Variants in BLNK observed in about 807,000 individuals in gnomAD.
The protein encoded by BLNK is B cell linker.
Under a neutral mutation model 73.5 loss-of-function variants are expected in BLNK, and 29 were observed. The ratio of observed to expected loss-of-function variants is 0.39; its 90% CI spans 0.29 to 0.54. The LOEUF (loss-of-function observed/expected upper bound fraction) is 0.54, where lower values mean the gene tolerates loss of function less well. BLNK is among the 20% of genes least tolerant of loss of function. The pLI is 0.61. For missense variants in BLNK, 460 were observed against 562.8 expected (o/e 0.82, Z 1.85); for synonymous variants, 176 against 200.8 (o/e 0.88, Z 1.04).
chr10:96,203,308 A>C (rs919625625), intron 13 of BLNK, among the ~76,000 whole-genome samples: 1 of 152,186 alleles, frequency 6.6e-6, no homozygotes, highest in Admixed American at 6.5e-5. Flanking sequence ...AAAACTAGTA[A>C]AAGTTTCATT....
At position 96,189,776 on chromosome 10, in the gene BLNK, C is replaced by T; in HGVS notation, c.*2197G>A. On this transcript the variant is annotated 3_prime_UTR_variant, in exon 17 of 17. Transcript: ENST00000224337. ...TTTACTTTTATTCTCTGGAATCTTG[C>T]TACCACCTCCAGGGACAGATCACTT... The T allele has an allele frequency of 1.2e-6, 1 of 833,332 alleles. No homozygotes were observed. Among genetic ancestry groups the T allele is most frequent in the Non-Finnish European group, 2.1e-6 (1 of 487,314 alleles). 51.6% of individuals were successfully genotyped at this position (833,332 alleles called of 1,614,324 possible).
rs587678297 is a variant in BLNK at position 96,207,633 on chromosome 10, C to T, written c.774+239G>A. On this transcript the variant is annotated intron_variant, in intron 10 of 16. Transcript: ENST00000224337. The stretch of plus-strand genomic sequence containing the variant: ...ACCTGGCTGCCCCTCTGATCTGCTG[C>T]GCACACTCAGTGAAGCTGCTGGGAT... Among the ~76,000 whole-genome samples the T allele has an allele frequency of 1.1e-3, 170 of 152,286 alleles. 5 individuals carry two copies. In the South Asian group the frequency reaches 0.033, roughly 29 times the overall value.
chr10:96,232,451 G>C (rs1217903278), intron 3 of BLNK, among the ~76,000 whole-genome samples: 3 of 152,312 alleles, frequency 2.0e-5, no homozygotes, highest in Non-Finnish European at 4.4e-5. Context: ...CCGGACTCCA[G>C]AGAGTCAAAC....
rs903482456 is a variant in BLNK, at chr10:96,223,969, G to A, written c.382C>T (p.His128Tyr). The change falls in exon 6 of 17, where the codon CAT becomes TAT. Residue 128 changes from histidine (H) to tyrosine (Y), a missense_variant. His to Tyr is a moderately conservative substitution (Grantham distance 83). This residue lies in a region of BLNK where 139 missense variants were observed against 187.3 expected (regional missense o/e 0.74). Coordinates refer to ENST00000224337, the MANE Select transcript of BLNK (RefSeq NM_013314.4). ...EYIDNRSSQR[H>Y]SPPFSKTLPS... ...AGTGTCTTGCTGAAGGGTGGGGAAT[G>A]CCTCTGGCTTGATCGATTGTCTTGA... 6.2e-7 allele frequency: 1 copy of A among 1,613,076 alleles called. No individual in the cohort carries two copies.
chr10:96,248,979 T>C (rs143295161), intron 1 of BLNK, among the ~76,000 whole-genome samples: 31 of 152,364 alleles, frequency 2.0e-4, no homozygotes, highest in Admixed American at 1.3e-3. Context: ...GATAGGGCCA[T>C]GTTATGTTTT....
At chr10:96,265,629 C>G (rs1843965621) in intron 1 of BLNK, among the ~76,000 whole-genome samples, 1 of 152,222 alleles carries the variant, frequency 6.6e-6, no homozygotes. Context: ...CAAACCATCC[C>G]AGACCGGAAA....
chr10:96,226,947 G>A (rs892912452), intron 5 of BLNK, among the ~76,000 whole-genome samples: 1 of 152,114 alleles, frequency 6.6e-6, no homozygotes, highest in Non-Finnish European at 1.5e-5. Context: ...TGGTAAAACC[G>A]CATAGTCTGG....
intron 3 of BLNK, among the ~76,000 whole-genome samples, chr10:96,241,867 G>T (rs1224656510): frequency 6.6e-6 from 1 of 151,886 alleles, no homozygotes; most frequent in Non-Finnish European, 1.5e-5. Flanking sequence ...GACTACAGGT[G>T]CATGCCACCA....
chr10:96,260,183 AAAGTT>A (rs1297401038), intron 1 of BLNK, among the ~76,000 whole-genome samples: 1 of 152,178 alleles, frequency 6.6e-6, no homozygotes, highest in Non-Finnish European at 1.5e-5. Context: ...AAAAACCAAA[AAAGTT>A]AAGGGAGACT....
chr10:96,245,027 C>T (rs921145602), intron 2 of BLNK, among the ~76,000 whole-genome samples: 6 of 152,024 alleles, frequency 3.9e-5, no homozygotes, highest in Admixed American at 3.9e-4. Flanking sequence ...GAATGAGATT[C>T]TATCTGTAGC....
intron 1 of BLNK, among the ~76,000 whole-genome samples, chr10:96,265,603 T>C (rs1554914080): frequency 6.6e-6 from 1 of 152,214 alleles, no homozygotes; most frequent in Non-Finnish European, 1.5e-5. Flanking sequence ...GCCCCTCCTC[T>C]AGGCAATCCC....
rs182225323 is a variant in BLNK at position 96,201,307 on chromosome 10, C to T, written c.935-249G>A. On this transcript the variant is annotated intron_variant, in intron 13 of 16. Transcript: ENST00000224337. ...ACCCAATTTTCCTCATGTAGTTCCA[C>T]CAGAAAAACATTGCAACAGATGAAA... is the stretch of plus-strand genomic sequence containing the variant. 5.3e-5 allele frequency among the ~76,000 whole-genome samples: 8 copies of T among 152,182 alleles called. No individual in the cohort carries two copies. In the East Asian group the frequency reaches 1.5e-3, roughly 29 times the overall value.
chr10:96,239,268 T>C (rs1236089737), intron 3 of BLNK: 4 of 397,856 alleles, frequency 1.0e-5, no homozygotes, highest in Non-Finnish European at 1.8e-5. Context: ...CACTGGGCCC[T>C]GAGCCCCAGA....
chr10:96,242,030 T>C (rs1429272487), intron 3 of BLNK, among the ~76,000 whole-genome samples: 2 of 152,194 alleles, frequency 1.3e-5, no homozygotes, highest in African/African-American at 4.8e-5. Context: ...CTATAATTAC[T>C]TTTAACATAA....
intron 16 of BLNK, among the ~76,000 whole-genome samples, chr10:96,193,338 A>G (rs1190172868): frequency 3.3e-5 from 5 of 152,186 alleles, no homozygotes; most frequent in African/African-American, 1.2e-4. Flanking sequence ...GAAATAGCAC[A>G]ATCTCTTTGA....
intron 5 of BLNK, among the ~76,000 whole-genome samples, chr10:96,226,766 G>A (rs7922926): frequency 0.013 from 1,971 of 152,074 alleles, 39 homozygotes; most frequent in African/African-American, 0.045. Flanking sequence ...GACCCAGGAG[G>A]CAGAGGTTGC....
rs142314183 is a variant in BLNK, at chr10:96,240,008, C to T, written c.163+2727G>A. Among the ~76,000 whole-genome samples, 20 of 152,248 alleles carry T rather than the reference C, an allele frequency of 1.3e-4. No individual in the cohort carries two copies. In the East Asian group the frequency reaches 3.7e-3, roughly 28 times the overall value. ...GGCAAATATTCCTGCACATTTGTCC[C>T]CGAATCCTCAAATTAAATGTCACCT... On this transcript the variant is annotated intron_variant, in intron 3 of 16. Transcript: ENST00000224337.
At chr10:96,195,158 A>G (rs2083434087) in intron 16 of BLNK, among the ~76,000 whole-genome samples, 4 of 152,210 alleles carry the variant, frequency 2.6e-5, no homozygotes, top group Admixed American at 2.6e-4. Context: ...AATTCAGAAT[A>G]TAACAAGTGC....
At chr10:96,268,769 G>A (rs150685701) in intron 1 of BLNK, among the ~76,000 whole-genome samples, 19 of 152,096 alleles carry the variant, frequency 1.2e-4, no homozygotes, top group Non-Finnish European at 1.9e-4. Flanking sequence ...TTTCAGTCCT[G>A]GGAATATACT....
Sources: allele counts gnomAD v4.1 joint callset (sites outside exome capture counted in the v4.1 genomes callset), GRCh38; gene constraint gnomAD v4.1.1; regional missense constraint gnomAD v4.1.1; transcripts MANE v1.5; gene names NCBI Gene and HGNC (gene_info 2026-07-23, HGNC 2026-07-21).